The following ADGRF1 variants were observed in gnomAD, a reference collection of about 807,000 sequenced individuals.
ADGRF1 encodes the protein adhesion G protein-coupled receptor F1.
Under a neutral mutation model 87.2 loss-of-function variants are expected in ADGRF1, and 85 were observed. That is an observed-to-expected ratio of 0.97 (90% CI 0.82 to 1.17). The LOEUF is 1.17. Among genes scored for constraint, ADGRF1 ranks in the 50% most tolerant of loss-of-function variants. The pLI, the probability that ADGRF1 is intolerant of heterozygous loss-of-function variation, is 0.00. For missense variants in ADGRF1, 1,169 were observed against 1,077.2 expected, an observed-to-expected ratio of 1.09 and a Z score of -1.19; for synonymous variants, 430 against 408.8, an observed-to-expected ratio of 1.05 and a Z score of -0.63.
At chr6:47,040,007 A>G (rs1370022694) in intron 1 of ADGRF1, among the ~76,000 whole-genome samples, 2 of 151,900 alleles carry the variant, frequency 1.3e-5, no homozygotes, top group East Asian at 3.9e-4. Context: ...ATAAAATAAA[A>G]CCATGTATCT....
At chr6:47,028,540 G>T (rs117040509) in intron 2 of ADGRF1, among the ~76,000 whole-genome samples, 1 of 152,198 alleles carries the variant, frequency 6.6e-6, no homozygotes. Flanking sequence ...TGTGAGTGTG[G>T]ACAGGGGAGA....
chr6:47,034,775 T>C (rs1047604086), intron 1 of ADGRF1, among the ~76,000 whole-genome samples: 6 of 152,216 alleles, frequency 3.9e-5, no homozygotes, highest in Non-Finnish European at 7.4e-5. Context: ...TGACTGGTTG[T>C]GCCTTCAGAG....
At chr6:47,029,672 C>G (rs764420396) in intron 1 of ADGRF1, among the ~76,000 whole-genome samples, 1 of 151,896 alleles carries the variant, frequency 6.6e-6, no homozygotes, top group African/African-American at 2.4e-5. Flanking sequence ...TCACTTATAC[C>G]CAGGTTATTT....
intron 5 of ADGRF1, 126 bp downstream of exon 5, chr6:47,023,918 T>C (rs1780147959): frequency 1.2e-6 from 1 of 804,570 alleles, no homozygotes; most frequent in East Asian, 2.7e-5. Context: ...TAACATGATG[T>C]ATCATCACTG....
Position 47,012,082 on chromosome 6 carries a change from C to G in ADGRF1, c.1041G>C (p.Ser347=). The change falls in exon 10 of 15, where the codon TCG becomes TCC. Residue 347 remains serine, a synonymous_variant. Coordinates refer to ENST00000371253, the MANE Select transcript of ADGRF1 (RefSeq NM_153840.4). ...NPSTTVGNLA[S]VVSILSNISS... ...AAATATTGCTCAGAATCGACACCAC[C>G]GAAGCCAGATTCCCCACTGTGGTTG... 1.2e-6 allele frequency: 2 copies of G among 1,614,086 alleles called. No individual in the cohort carries two copies. Among genetic ancestry groups the G allele is most frequent in the African/African-American group, 2.7e-5 (2 of 75,062 alleles).
chr6:47,009,114 A>G lies in ADGRF1; in HGVS notation c.2321T>C (p.Val774Ala), dbSNP rs751296477. ...GTCATCCCGACTCAGTCTTTCCCCA[A>G]CAGTCGGCCTCCAGAGCTTTGTGAG... ...LVLTKLWRPT[V>A]GERLSRDDKA... is the part of the protein sequence containing the mutation. The change falls in exon 11 of 15, where the codon GTT becomes GCT. Residue 774 changes from valine (V) to alanine (A), a missense_variant. Val to Ala is a moderately conservative substitution (Grantham distance 64, BLOSUM62 0). Transcript: ENST00000371253. 1.1e-5 allele frequency: 17 copies of G among 1,614,010 alleles called. No individual in the cohort carries two copies. Among genetic ancestry groups the G allele is most frequent in the Admixed American group, 1.7e-5 (1 of 59,994 alleles).
chr6:47,022,129 T>C, intron 5 of ADGRF1, 71 bp from the exon 6 acceptor site: 1 of 862,218 alleles, frequency 1.2e-6, no homozygotes, highest in African/African-American at 1.8e-5. Context: ...CATACAATTA[T>C]AGAAGTACAA....
chr6:47,038,363 T>C (rs1284085875), intron 1 of ADGRF1, among the ~76,000 whole-genome samples: 2 of 152,238 alleles, frequency 1.3e-5, no homozygotes, highest in Non-Finnish European at 1.5e-5. Flanking sequence ...TCCAAGTGAA[T>C]AGCCAAGTTT....
intron 9 of ADGRF1, chr6:47,014,239 A>G (rs866125616): frequency 2.0e-6 from 2 of 985,724 alleles, no homozygotes; most frequent in South Asian, 4.7e-5. Context: ...GTCATTTTAT[A>G]TGGTTCACCT....
At position 46,999,155 on chromosome 6, in the gene ADGRF1, C is replaced by T. The variant is rs375917928; in HGVS notation, c.*1067G>A. The T allele has an allele frequency of 6.6e-5, 10 of 152,278 alleles. No individual in the cohort carries two copies. The highest frequency in any genetic ancestry group is 3.9e-4 in the East Asian group (2 of 5,184). The allele number at this position is 152,278 out of a possible 1,614,324, so 9.4% of individuals were successfully genotyped here. On this transcript the variant is annotated 3_prime_UTR_variant, in exon 15 of 15. Coordinates refer to ENST00000371253, the MANE Select transcript of ADGRF1 (RefSeq NM_153840.4). ...GGAAGAGAAGTGTTGCTTCACATAGCGTCAACTCCTGCTGCTTTGTATGTC... is the reference window on the plus strand; with the variant it reads ...GGAAGAGAAGTGTTGCTTCACATAGTGTCAACTCCTGCTGCTTTGTATGTC...
At chr6:47,016,851 A>G (rs753278156) in intron 7 of ADGRF1, 83 bp from the exon 8 acceptor site, 115 of 1,434,896 alleles carry the variant, frequency 8.0e-5, no homozygotes, top group Non-Finnish European at 9.4e-5. Context: ...TGTACATGCC[A>G]TGGGGTCCAT....
chr6:47,003,786 A>G (rs1250672332), intron 13 of ADGRF1, among the ~76,000 whole-genome samples: 1 of 152,144 alleles, frequency 6.6e-6, no homozygotes, highest in Admixed American at 6.5e-5. Flanking sequence ...TAATTCAACC[A>G]TCTTTGGCAC....
chr6:47,013,741 G>C (rs570207850), intron 9 of ADGRF1: 2 of 712,820 alleles, frequency 2.8e-6, no homozygotes, highest in African/African-American at 3.8e-5. Context: ...GGGCTTGGTG[G>C]GAGATGATTG....
Position 47,014,902 on chromosome 6 carries a change from A to G in ADGRF1, c.764-58T>C. On this transcript the variant is annotated intron_variant, in intron 8 of 14. Transcript: ENST00000371253. The stretch of plus-strand genomic sequence containing the variant: ...ATCCTAGAATATCCTGGCACTCTAT[A>G]TAAACCATGTAGTCATGTTCAAATG... 6.6e-6 allele frequency: 10 copies of G among 1,511,226 alleles called. No homozygotes were observed. The South Asian group carries it at 1.3e-4, about 20-fold the overall frequency. 93.6% of individuals were successfully genotyped at this position (1,511,226 alleles called of 1,614,324 possible).
chr6:47,039,743 C>T (rs960427713), intron 1 of ADGRF1, among the ~76,000 whole-genome samples: 2 of 152,114 alleles, frequency 1.3e-5, no homozygotes, highest in Non-Finnish European at 2.9e-5. Context: ...CGGTGGATTA[C>T]TTGAGGTCAG....
At position 47,029,320 on chromosome 6, in the gene ADGRF1, G is replaced by C. The variant is rs183937338; in HGVS notation, c.-43-216C>G. 5.3e-4 allele frequency among the ~76,000 whole-genome samples: 81 copies of C among 151,654 alleles called. No individual in the cohort carries two copies. The Middle Eastern group carries it at 0.038, about 71-fold the overall frequency. Reference sequence around the variant, plus strand: ...ACAAACTTACTAGAAAACTGCTCTAGAGCTCTCTTCCAAGTGATGGTATCT... The same window carrying C: ...ACAAACTTACTAGAAAACTGCTCTACAGCTCTCTTCCAAGTGATGGTATCT... On this transcript the variant is annotated intron_variant, in intron 1 of 14. Transcript: ENST00000371253.
At position 47,009,381 on chromosome 6, in the gene ADGRF1, C is replaced by T. The variant is rs753240558; in HGVS notation, c.2054G>A (p.Arg685Gln). The change falls in exon 11 of 15, where the codon CGG (arginine) becomes CAG (glutamine). Residue 685 changes from arginine (R) to glutamine (Q), a missense_variant. By Grantham distance (43) the Arg-to-Gln change is conservative. Transcript: ENST00000371253. ...CATGTGATGGAACACGAGGATGATC[C>T]GGTAAGCCAGCAGGATGCCAAGCAT... Reference protein sequence around the residue: ...MLMLGILLAYRIILVFHHMAQ... With the variant: ...MLMLGILLAYQIILVFHHMAQ... The T allele has an allele frequency of 3.0e-5, 49 of 1,613,844 alleles. No homozygotes were observed. Among genetic ancestry groups the T allele is most frequent in the Non-Finnish European group, 3.6e-5 (42 of 1,179,966 alleles).
intron 3 of ADGRF1, among the ~76,000 whole-genome samples, chr6:47,026,903 G>A (rs1780253305): frequency 6.6e-6 from 1 of 152,204 alleles, no homozygotes; most frequent in African/African-American, 2.4e-5. Flanking sequence ...GGGGAACAGG[G>A]AAAAGGATGG....
intron 13 of ADGRF1, among the ~76,000 whole-genome samples, chr6:47,003,486 GA>G (rs1360612732): frequency 2.6e-5 from 4 of 152,142 alleles, no homozygotes; most frequent in African/African-American, 9.7e-5. Context: ...GGTCTGAATA[GA>G]AAACATTTGC....
Sources: allele counts gnomAD v4.1 joint callset (sites outside exome capture counted in the v4.1 genomes callset), GRCh38; gene constraint gnomAD v4.1.1; transcripts MANE v1.5; gene names NCBI Gene and HGNC (gene_info 2026-07-23, HGNC 2026-07-21).